FANCC: variants seen among roughly 807,000 people sequenced by gnomAD.
FANCC encodes the protein Fanconi anemia group C protein.
A neutral mutation model predicts 71.3 loss-of-function variants in FANCC; 55 were observed. The ratio of observed to expected loss-of-function variants is 0.77; its 90% CI spans 0.62 to 0.97. FANCC has a LOEUF of 0.97. Among genes scored for constraint, FANCC ranks in the 50% least tolerant of loss-of-function variants. The pLI, the probability that FANCC is intolerant of heterozygous loss-of-function variation, is 0.00. For missense variants in FANCC, 678 were observed against 670.9 expected, an observed-to-expected ratio of 1.01 and a Z score of -0.12; for synonymous variants, 275 against 244.9, an observed-to-expected ratio of 1.12 and a Z score of -1.15.
intron 4 of FANCC, chr9:95,186,701 C>G (rs1343960896): frequency 2.0e-5 from 3 of 151,782 alleles, no homozygotes; most frequent in African/African-American, 4.8e-5. Context: ...GCAAAGAAGA[C>G]TATAAGAATC....
intron 9 of FANCC, among the ~76,000 whole-genome samples, chr9:95,125,994 C>T (rs1029729964): frequency 3.9e-5 from 6 of 152,194 alleles, no homozygotes; most frequent in South Asian, 2.1e-4. Context: ...GTGAGCTCCT[C>T]GTCTCTTGCC....
intron 7 of FANCC, among the ~76,000 whole-genome samples, chr9:95,143,969 G>A (rs932469445): frequency 1.3e-5 from 2 of 152,214 alleles, no homozygotes; most frequent in South Asian, 2.1e-4. Flanking sequence ...GAAAATATAT[G>A]ACTGCATTTG....
intron 4 of FANCC, among the ~76,000 whole-genome samples, chr9:95,212,507 T>C (rs1046483631): frequency 3.9e-5 from 6 of 151,998 alleles, no homozygotes; most frequent in Admixed American, 1.3e-4. Context: ...AAATCTATCA[T>C]GCAAAAATGA....
chr9:95,306,841 G>A (rs1440045072), intron 1 of FANCC, among the ~76,000 whole-genome samples: 1 of 152,036 alleles, frequency 6.6e-6, no homozygotes, highest in East Asian at 1.9e-4. Flanking sequence ...TTTTTGAAAA[G>A]TCTCCATTCT....
intron 10 of FANCC, chr9:95,123,733 A>G (rs1825491657): frequency 2.9e-6 from 2 of 691,590 alleles, no homozygotes; most frequent in Non-Finnish European, 2.7e-6. Flanking sequence ...ATTTGAAGCT[A>G]CATTACTGTC....
chr9:95,123,050 C>T (rs1825310594), intron 10 of FANCC, among the ~76,000 whole-genome samples: 1 of 152,174 alleles, frequency 6.6e-6, no homozygotes, highest in African/African-American at 2.4e-5. Context: ...GCCTGGAATC[C>T]AAGCACCTTG....
At chr9:95,137,687 G>A (rs1827907230) in intron 7 of FANCC, among the ~76,000 whole-genome samples, 1 of 152,246 alleles carries the variant, frequency 6.6e-6, no homozygotes, top group East Asian at 1.9e-4. Flanking sequence ...CAAGGTGGAA[G>A]CTCCGGGAGA....
intron 1 of FANCC, among the ~76,000 whole-genome samples, chr9:95,306,934 T>C (rs4647362): frequency 0.011 from 1,616 of 152,276 alleles, 28 homozygotes; most frequent in African/African-American, 0.036. Context: ...AGTGCAGTGG[T>C]ATGATCATAG....
rs142024865 is a variant in FANCC at position 95,212,749 on chromosome 9, C to T, written c.345+27900G>A. On this transcript the variant is annotated intron_variant, in intron 4 of 14. Coordinates refer to ENST00000289081, the MANE Select transcript of FANCC (RefSeq NM_000136.3). ...CTTAAAACAGTAATTTTGTTTAAAA[C>T]TAATAATATACTGTGGGTTTATAAA... Among the ~76,000 whole-genome samples the T allele has an allele frequency of 3.2e-3, 481 of 152,238 alleles. 9 individuals are homozygous for T. The East Asian group carries it at 0.044, about 14-fold the overall frequency.
At chr9:95,311,425 T>C (rs941906425) in intron 1 of FANCC, among the ~76,000 whole-genome samples, 1 of 151,938 alleles carries the variant, frequency 6.6e-6, no homozygotes, top group South Asian at 2.1e-4. Flanking sequence ...TAGGAGGGTG[T>C]TGGAAGTCAC....
chr9:95,317,256 C>A, intron 1 of FANCC: 1 of 152,572 alleles, frequency 6.6e-6, no homozygotes, highest in East Asian at 1.9e-4. Flanking sequence ...CCGGCTCCCG[C>A]CCCCGCTTTC....
chr9:95,298,879 G>GC lies in FANCC; in HGVS notation c.-79+18646dup, dbSNP rs202126678. Reference sequence around the variant, plus strand: ...AAGAAATCAATCTTGTACCACAAACGCAATCCAAAAGCCATATCAGGACAG... The same window carrying GC: ...AAGAAATCAATCTTGTACCACAAACGCCAATCCAAAAGCCATATCAGGACAG... On this transcript the variant is annotated intron_variant, in intron 1 of 14. Transcript: ENST00000289081. 5.5e-4 allele frequency among the ~76,000 whole-genome samples: 83 copies of GC among 152,174 alleles called. 1 individual carries two copies. In the East Asian group the frequency reaches 0.016, roughly 29 times the overall value.
At chr9:95,285,721 C>G (rs1772541820) in intron 1 of FANCC, among the ~76,000 whole-genome samples, 1 of 151,938 alleles carries the variant, frequency 6.6e-6, no homozygotes, top group South Asian at 2.1e-4. Context: ...TAAACAGCCA[C>G]TCATATGCAG....
Position 95,194,082 on chromosome 9 carries a change from A to T in FANCC, c.346-21935T>A, listed in dbSNP as rs573244719. Among the ~76,000 whole-genome samples the T allele has an allele frequency of 8.7e-4, 132 of 152,008 alleles. 1 individual carries two copies. Among genetic ancestry groups the T allele is most frequent in the Admixed American group, 5.5e-3 (84 of 15,278 alleles). On this transcript the variant is annotated intron_variant, in intron 4 of 14. Transcript: ENST00000289081. ...GATATAGAGGGTTGTGTTTTTTTTT[A>T]AATTCCATTGGTAATTCTGATGTGC...
chr9:95,244,677 TCAAAAAAAAAAAAAA>T (rs1830838851), intron 3 of FANCC, among the ~76,000 whole-genome samples: 1 of 42,896 alleles, frequency 2.3e-5, no homozygotes. Context: ...AGACTTTGTC[TCAAAAAAAAAAAAAA>T]AAAAAAAAAA....
intron 6 of FANCC, among the ~76,000 whole-genome samples, chr9:95,158,439 A>G (rs922919900): frequency 6.6e-6 from 1 of 152,202 alleles, no homozygotes; most frequent in African/African-American, 2.4e-5. Context: ...GCGGTAGAGA[A>G]CAGGAAGAAC....
chr9:95,225,926 T>C (rs1399706362), intron 4 of FANCC, among the ~76,000 whole-genome samples: 1 of 152,158 alleles, frequency 6.6e-6, no homozygotes, highest in African/African-American at 2.4e-5. Context: ...CATGCACATA[T>C]AGAGACATTT....
intron 14 of FANCC, among the ~76,000 whole-genome samples, chr9:95,103,957 T>C (rs973002290): frequency 2.0e-5 from 3 of 152,168 alleles, no homozygotes; most frequent in African/African-American, 7.2e-5. Context: ...GATGCCAAGA[T>C]AGAGGGCAGA....
intron 8 of FANCC, among the ~76,000 whole-genome samples, chr9:95,130,886 A>T (rs1405240069): frequency 6.6e-6 from 1 of 152,240 alleles, no homozygotes; most frequent in Non-Finnish European, 1.5e-5. Context: ...CACATCTATC[A>T]TGTACAATGA....
Sources: gnomAD v4.1 joint callset for allele counts (sites outside exome capture counted in the v4.1 genomes callset) on GRCh38, gnomAD v4.1.1 for gene constraint, MANE v1.5 for transcripts, NCBI Gene and HGNC (gene_info 2026-07-23, HGNC 2026-07-21) for gene names.